The following ADARB2 variants were observed in gnomAD, a reference collection of about 807,000 sequenced individuals.
ADARB2 encodes the protein inactive double-stranded RNA-specific editase B2.
In ADARB2, 25 loss-of-function variants were observed where a neutral mutation model predicts 62.2. The ratio of observed to expected loss-of-function variants is 0.40; its 90% CI spans 0.29 to 0.56. The LOEUF (loss-of-function observed/expected upper bound fraction) is 0.56, where lower values mean the gene tolerates loss of function less well. Among genes scored for constraint, ADARB2 ranks in the 20% least tolerant of loss-of-function variants. The probability of loss-of-function intolerance (pLI) is 0.43; values close to 1 mark genes in which losing one functional copy is unlikely to be tolerated. For synonymous variants in ADARB2, 572 were observed against 500.8 expected, an observed-to-expected ratio of 1.14 and a Z score of -1.90; for missense variants, 1,071 against 1,077.4, an observed-to-expected ratio of 0.99 and a Z score of 0.08.
rs1377443707 is a variant in ADARB2, at chr10:1,696,240, T to C, written c.100+40811A>G. On this transcript the variant is annotated intron_variant, in intron 1 of 9. Coordinates refer to ENST00000381312, the MANE Select transcript of ADARB2 (RefSeq NM_018702.4). Reference sequence around the variant, plus strand: ...GTATATGTGCGTATATGCATGTTTGTGTGTGCACATGTGCATTGTGTATGT... The same window carrying C: ...GTATATGTGCGTATATGCATGTTTGCGTGTGCACATGTGCATTGTGTATGT... Among the ~76,000 whole-genome samples, 5 of 151,944 alleles carry C rather than the reference T, an allele frequency of 3.3e-5. No individual in the cohort carries two copies. The South Asian group carries it at 8.3e-4, about 25-fold the overall frequency.
chr10:1,204,371 T>C (rs990594476), intron 7 of ADARB2, among the ~76,000 whole-genome samples: 1 of 152,212 alleles, frequency 6.6e-6, no homozygotes, highest in Non-Finnish European at 1.5e-5. Context: ...AGGGGCTGTT[T>C]GTAATTGCAA....
intron 1 of ADARB2, among the ~76,000 whole-genome samples, chr10:1,606,582 A>C (rs928522438): frequency 6.6e-5 from 10 of 152,218 alleles, no homozygotes; most frequent in African/African-American, 2.2e-4. Flanking sequence ...AGCCAGCTAG[A>C]GTCCCACAGG....
chr10:1,642,449 C>A (rs542055433), intron 1 of ADARB2, among the ~76,000 whole-genome samples: 6 of 152,196 alleles, frequency 3.9e-5, no homozygotes, highest in African/African-American at 9.6e-5. Flanking sequence ...GCCACATGCA[C>A]GTTTTGGAAA....
intron 1 of ADARB2, among the ~76,000 whole-genome samples, chr10:1,422,698 T>G (rs916379877): frequency 1.3e-5 from 2 of 152,216 alleles, no homozygotes; most frequent in Admixed American, 6.5e-5. Context: ...ACCAGTGAAT[T>G]CTGATAAATT....
chr10:1,381,729 T>A (rs919039397), intron 1 of ADARB2, among the ~76,000 whole-genome samples: 4 of 152,212 alleles, frequency 2.6e-5, no homozygotes, highest in Admixed American at 1.3e-4. Context: ...AAGTGAAATG[T>A]CAGGCATAGA....
intron 1 of ADARB2, among the ~76,000 whole-genome samples, chr10:1,484,184 C>T (rs1831514606): frequency 6.6e-6 from 1 of 152,246 alleles, no homozygotes; most frequent in Non-Finnish European, 1.5e-5. Context: ...TATCTCTCTT[C>T]TGCAGACTTT....
rs190347674 is a variant in ADARB2 at position 1,277,821 on chromosome 10, A to G, written c.1078-6752T>C. 5.2e-3 allele frequency among the ~76,000 whole-genome samples: 798 copies of G among 152,320 alleles called. 14 individuals are homozygous for G. The highest frequency in any genetic ancestry group is 0.018 in the African/African-American group (740 of 41,552). On this transcript the variant is annotated intron_variant, in intron 3 of 9. Coordinates refer to ENST00000381312, the MANE Select transcript of ADARB2 (RefSeq NM_018702.4). Reference sequence around the variant, plus strand: ...AACAAAAAAAGAGAATTTTAGACCAATATCCCTGATGAACATTGATGCAGA... The same window carrying G: ...AACAAAAAAAGAGAATTTTAGACCAGTATCCCTGATGAACATTGATGCAGA...
At chr10:1,368,603 C>A (rs919159332) in intron 2 of ADARB2, among the ~76,000 whole-genome samples, 7 of 152,120 alleles carry the variant, frequency 4.6e-5, no homozygotes, top group African/African-American at 1.7e-4. Context: ...AGTTTTGCTC[C>A]CTCAGAAGGG....
intron 7 of ADARB2, among the ~76,000 whole-genome samples, chr10:1,207,710 T>C (rs1382586767): frequency 6.6e-6 from 1 of 152,258 alleles, no homozygotes; most frequent in Non-Finnish European, 1.5e-5. Context: ...TTCATTTTCA[T>C]GGAGAAAGTT....
chr10:1,270,781 C>T (rs1564242306), intron 4 of ADARB2, among the ~76,000 whole-genome samples, 174 bp downstream of exon 4: 1 of 152,200 alleles, frequency 6.6e-6, no homozygotes. Flanking sequence ...GTCAGGATGG[C>T]TTTTCCTGCT....
At chr10:1,252,352 A>G (rs1481877972) in intron 4 of ADARB2, among the ~76,000 whole-genome samples, 10 of 152,322 alleles carry the variant, frequency 6.6e-5, no homozygotes, top group South Asian at 4.2e-4. Context: ...CTGCCTCCCT[A>G]TTTCCTAGAA....
intron 1 of ADARB2, among the ~76,000 whole-genome samples, chr10:1,514,193 A>ATATATATATATATATATATATATATATG (rs933457969): frequency 7.5e-6 from 1 of 133,814 alleles, no homozygotes; most frequent in Admixed American, 7.9e-5. Context: ...ATATATATAT[A>ATATATATATATATATATATATATATATG]TATGTATATT....
At chr10:1,462,731 G>A (rs1468844382) in intron 1 of ADARB2, among the ~76,000 whole-genome samples, 1 of 151,874 alleles carries the variant, frequency 6.6e-6, no homozygotes, top group Admixed American at 6.6e-5. Context: ...ATGTGCATGT[G>A]TGTATGTGCC....
At chr10:1,694,664 G>A (rs952893209) in intron 1 of ADARB2, among the ~76,000 whole-genome samples, 1 of 152,162 alleles carries the variant, frequency 6.6e-6, no homozygotes, top group African/African-American at 2.4e-5. Context: ...CAATCCTATT[G>A]AAGAGATTTT....
intron 1 of ADARB2, among the ~76,000 whole-genome samples, chr10:1,668,505 G>A (rs1308524781): frequency 1.3e-5 from 2 of 152,262 alleles, no homozygotes; most frequent in East Asian, 3.9e-4. Context: ...CCAAGTCCCA[G>A]GGCATGCAAA....
At chr10:1,643,551 C>A (rs570179518) in intron 1 of ADARB2, among the ~76,000 whole-genome samples, 1 of 152,262 alleles carries the variant, frequency 6.6e-6, no homozygotes, top group East Asian at 1.9e-4. Context: ...TCAGCTTCAC[C>A]AGTATGGGGA....
chr10:1,326,389 C>T (rs190957709), intron 3 of ADARB2, among the ~76,000 whole-genome samples: 27 of 152,324 alleles, frequency 1.8e-4, no homozygotes, highest in African/African-American at 6.5e-4. Context: ...CTATCTGAAC[C>T]ATTCTGTGAC....
intron 1 of ADARB2, among the ~76,000 whole-genome samples, chr10:1,708,436 T>C (rs1017245007): frequency 6.6e-6 from 1 of 152,158 alleles, no homozygotes; most frequent in African/African-American, 2.4e-5. Flanking sequence ...TATGTATTAA[T>C]TTTCAATGGA....
intron 3 of ADARB2, chr10:1,291,712 T>C (rs555206747): frequency 6.6e-6 from 1 of 152,330 alleles, no homozygotes; most frequent in South Asian, 2.1e-4. Context: ...GTTTTAAATT[T>C]GGACAAACAT....
Sources: allele counts gnomAD v4.1 joint callset (sites outside exome capture counted in the v4.1 genomes callset), GRCh38; gene constraint gnomAD v4.1.1; transcripts MANE v1.5; gene names NCBI Gene and HGNC (gene_info 2026-07-23, HGNC 2026-07-21).